PP2D1: variants seen among roughly 807,000 people sequenced by gnomAD.
PP2D1 encodes the protein protein phosphatase 2C like domain containing 1.
Under a neutral mutation model 30.2 loss-of-function variants are expected in PP2D1, and 25 were observed. That is an observed-to-expected ratio of 0.83 (90% CI 0.60 to 1.16). The LOEUF (loss-of-function observed/expected upper bound fraction) is 1.16. Among genes scored for constraint, PP2D1 ranks in the 50% most tolerant of loss-of-function variants. The pLI is 0.00. For synonymous variants in PP2D1, 260 were observed against 258.9 expected, an observed-to-expected ratio of 1.00 and a Z score of -0.04; for missense variants, 760 against 742.4, an observed-to-expected ratio of 1.02 and a Z score of -0.28.
intron 1 of PP2D1, among the ~76,000 whole-genome samples, chr3:20,010,343 A>G (rs1697370191): frequency 6.6e-6 from 1 of 151,928 alleles, no homozygotes; most frequent in Non-Finnish European, 1.5e-5. Context: ...TGATCTGCCC[A>G]CCTCAGCCTC....
chr3:20,011,546 C>T (rs1697386401), intron 1 of PP2D1, among the ~76,000 whole-genome samples: 2 of 152,140 alleles, frequency 1.3e-5, no homozygotes, highest in South Asian at 4.1e-4. Context: ...TGCCTATAAT[C>T]TCAGCACTTT....
chr3:20,005,789 A>G (rs752116532), intron 1 of PP2D1, among the ~76,000 whole-genome samples: 1 of 152,188 alleles, frequency 6.6e-6, no homozygotes, highest in Non-Finnish European at 1.5e-5. Context: ...AGAAGGATAC[A>G]AAGTAGAAAA....
At position 20,002,018 on chromosome 3, in the gene PP2D1, T is replaced by C; in HGVS notation, c.102A>G (p.Lys34=). The change falls in exon 2 of 3, where the codon AAA becomes AAG. Residue 34 remains lysine (K), a synonymous_variant. Coordinates refer to ENST00000389050, the MANE Select transcript of PP2D1 (RefSeq NM_001252657.2). ...ACTTTTTCTTTCTAAAACGTTTTCT[T>C]TTGGGTAAAAGTAGAATATCCTCAT... The part of the protein sequence containing the change: ...DSDEDILLLP[K]RKRFRKKKSR... The C allele has an allele frequency of 6.5e-7, 1 of 1,535,996 alleles. No individual in the cohort carries two copies. Among genetic ancestry groups the C allele is most frequent in the Non-Finnish European group, 8.7e-7 (1 of 1,146,690 alleles).
chr3:20,003,785 T>G (rs2125145409), intron 1 of PP2D1, among the ~76,000 whole-genome samples: 1 of 152,084 alleles, frequency 6.6e-6, no homozygotes, highest in South Asian at 2.1e-4. Flanking sequence ...AAAATTTTAG[T>G]TAAAATTTTA....
At chr3:19,991,249 G>T (rs1697116070) in intron 2 of PP2D1, among the ~76,000 whole-genome samples, 1 of 152,176 alleles carries the variant, frequency 6.6e-6, no homozygotes, top group Non-Finnish European at 1.5e-5. Flanking sequence ...GGGTAATGAT[G>T]TGGCTGCCTC....
chr3:19,985,071 G>GGA (rs1391136428), downstream of PP2D1: 1 of 262,934 alleles, frequency 3.8e-6, no homozygotes, highest in African/African-American at 2.3e-5. Flanking sequence ...TGGACTGCTA[G>GGA]GAGAACTTGT....
chr3:19,990,610 G>C (rs1697106909), intron 2 of PP2D1, among the ~76,000 whole-genome samples: 1 of 152,192 alleles, frequency 6.6e-6, no homozygotes, highest in South Asian at 2.1e-4. Flanking sequence ...GATGTGCAGA[G>C]TCAATAGTTT....
intron 2 of PP2D1, among the ~76,000 whole-genome samples, chr3:19,990,760 T>TG (rs1697109510): frequency 1.3e-5 from 2 of 151,458 alleles, no homozygotes; most frequent in Admixed American, 1.3e-4. Context: ...AAGATTTTTT[T>TG]TTTTTTTTTT....
chr3:19,986,133 GGT>G lies in PP2D1; in HGVS notation c.1138_1139del (p.Thr380GlnfsTer10). 6.5e-7 allele frequency: 1 copy of G among 1,529,000 alleles called. No homozygotes were observed. Among genetic ancestry groups the G allele is most frequent in the Non-Finnish European group, 8.7e-7 (1 of 1,144,774 alleles). The allele number at this position is 1,529,000 out of a possible 1,614,324, so 94.7% of individuals were successfully genotyped here. ...LCRNGKGFCL[T>X]KEHTTRNTNE... ...TTGTGTTTCGTGTAGTATGTTCTTTGGTTAGGCAAAAACCTTTCCCATTTCTG... is the reference window on the plus strand; with the variant it reads ...TTGTGTTTCGTGTAGTATGTTCTTTGTAGGCAAAAACCTTTCCCATTTCTG... On this transcript the variant is annotated frameshift_variant, in exon 3 of 3. Coordinates refer to ENST00000389050, the MANE Select transcript of PP2D1 (RefSeq NM_001252657.2). LOFTEE classifies it low-confidence loss of function (END_TRUNC).
In PP2D1 at chr3:19,986,099, T is replaced by C; in HGVS notation, c.1174A>G (p.Arg392Gly). The change falls in exon 3 of 3, where the codon AGA becomes GGA. Residue 392 changes from arginine (R) to glycine (G), a missense_variant. Arg to Gly is a moderately radical substitution (Grantham distance 125). This residue lies in a region of PP2D1 where 369 missense variants were observed against 316.2 expected (regional missense o/e 1.17). Transcript: ENST00000389050. ...EHTTRNTNERRRILQNGAVIS... is the reference protein window; with the variant it reads ...EHTTRNTNERGRILQNGAVIS... Reference sequence around the variant, plus strand: ...ACTGCTCCATTCTGAAGTATTCTTCTTCTTTCATTTGTGTTTCGTGTAGTA... The same window carrying C: ...ACTGCTCCATTCTGAAGTATTCTTCCTCTTTCATTTGTGTTTCGTGTAGTA... 1 of 1,536,020 alleles carries C rather than the reference T, an allele frequency of 6.5e-7. No individual in the cohort carries two copies. The highest frequency in any genetic ancestry group is 8.7e-7 in the Non-Finnish European group (1 of 1,146,834).
chr3:20,005,557 G>A (rs1697308659), intron 1 of PP2D1, among the ~76,000 whole-genome samples: 1 of 152,034 alleles, frequency 6.6e-6, no homozygotes, highest in South Asian at 2.1e-4. Context: ...AGAGTAATGA[G>A]GGATGGAGCC....
intron 2 of PP2D1, among the ~76,000 whole-genome samples, chr3:19,991,346 C>T (rs1379849750): frequency 6.6e-6 from 1 of 152,158 alleles, no homozygotes; most frequent in Non-Finnish European, 1.5e-5. Context: ...CAACCAGGGA[C>T]TTCTAGAGCT....
chr3:19,983,089 C>A (rs1448932348), downstream of PP2D1, among the ~76,000 whole-genome samples: 2 of 152,048 alleles, frequency 1.3e-5, no homozygotes, highest in Non-Finnish European at 2.9e-5. Flanking sequence ...ATAATCCCAA[C>A]ACTTTGGGAG....
At chr3:20,006,761 C>A (rs1037628023) in intron 1 of PP2D1, among the ~76,000 whole-genome samples, 2 of 151,768 alleles carry the variant, frequency 1.3e-5, no homozygotes, top group African/African-American at 4.8e-5. Flanking sequence ...GCTACTGCAT[C>A]GGCCCTCCCG....
At chr3:19,997,295 A>G (rs984231592) in intron 2 of PP2D1, among the ~76,000 whole-genome samples, 2 of 152,132 alleles carry the variant, frequency 1.3e-5, no homozygotes, top group African/African-American at 4.8e-5. Context: ...GAAATACCAT[A>G]TGATTATCTC....
intron 1 of PP2D1, 75 bp from the exon 2 acceptor site, chr3:20,002,171 G>A: frequency 3.2e-6 from 3 of 927,060 alleles, no homozygotes; most frequent in Non-Finnish European, 4.8e-6. Flanking sequence ...TGTTATCATT[G>A]CAATTTGATT....
chr3:20,003,292 G>T (rs1443604987), intron 1 of PP2D1, among the ~76,000 whole-genome samples: 1 of 151,642 alleles, frequency 6.6e-6, no homozygotes, highest in Non-Finnish European at 1.5e-5. Flanking sequence ...GTGTGTTATT[G>T]CTCCTGAAGA....
chr3:20,000,670 C>G (rs1697238934), intron 2 of PP2D1, among the ~76,000 whole-genome samples: 1 of 152,128 alleles, frequency 6.6e-6, no homozygotes, highest in Admixed American at 6.5e-5. Flanking sequence ...AAACAACTTT[C>G]CATTTTTCTG....
In PP2D1 at chr3:20,002,053, A is replaced by C; in HGVS notation, c.67T>G (p.Phe23Val). 1 of 1,534,346 alleles carries C rather than the reference A, an allele frequency of 6.5e-7. No homozygotes were observed. The highest frequency in any genetic ancestry group is 8.7e-7 in the Non-Finnish European group (1 of 1,145,340). ...SREWNMKTST[F>V]DSDEDILLLP... Reference sequence around the variant, plus strand: ...AGTAGAATATCCTCATCTGAATCAAATGTTGATGTTTTCATATTCCATTCT... The same window carrying C: ...AGTAGAATATCCTCATCTGAATCAACTGTTGATGTTTTCATATTCCATTCT... Residue 23 changes from phenylalanine to valine, a missense_variant, in exon 2 of 3, where the codon TTT (phenylalanine) becomes GTT (valine). Physicochemically the swap from Phe to Val is conservative, Grantham distance 50. Transcript: ENST00000389050.
Sources: gnomAD v4.1 joint callset for allele counts (sites outside exome capture counted in the v4.1 genomes callset) on GRCh38, gnomAD v4.1.1 for gene constraint, gnomAD v4.1.1 regional missense constraint, MANE v1.5 for transcripts, NCBI Gene and HGNC (gene_info 2026-07-23, HGNC 2026-07-21) for gene names.